Variants in TIAM1 observed in about 807,000 individuals in gnomAD.
TIAM1 encodes TIAM Rac1 associated GEF 1.
In TIAM1, 65 loss-of-function variants were observed where a neutral mutation model predicts 163.5. The ratio of observed to expected loss-of-function variants is 0.40; its 90% CI spans 0.33 to 0.49. TIAM1 has a LOEUF of 0.49. Among genes scored for constraint, TIAM1 ranks in the 20% least tolerant of loss-of-function variants. The probability of loss-of-function intolerance (pLI) is 0.77; values close to 1 mark genes in which losing one functional copy is unlikely to be tolerated. For missense variants in TIAM1, 1,789 were observed against 2,044.7 expected (o/e 0.87, Z 2.41); for synonymous variants, 833 against 810.1 (o/e 1.03, Z -0.48).
At chr21:31,316,073 T>C (rs892799407) in intron 2 of TIAM1, among the ~76,000 whole-genome samples, 2 of 152,216 alleles carry the variant, frequency 1.3e-5, no homozygotes, top group African/African-American at 4.8e-5. Context: ...TTCACTCATT[T>C]CTTCTACATA....
intron 2 of TIAM1, among the ~76,000 whole-genome samples, chr21:31,308,746 G>A (rs1175255069): frequency 6.6e-6 from 1 of 152,184 alleles, no homozygotes; most frequent in Admixed American, 6.5e-5. Context: ...AATGCCAGAT[G>A]AGCCAGCTGC....
chr21:31,287,534 C>G (rs559163875), intron 2 of TIAM1, among the ~76,000 whole-genome samples: 50 of 152,146 alleles, frequency 3.3e-4, no homozygotes, highest in Non-Finnish European at 5.3e-4. Flanking sequence ...CTCGGTTGAA[C>G]CTGGTCCTGA....
At chr21:31,326,196 C>G (rs887756376) in intron 2 of TIAM1, among the ~76,000 whole-genome samples, 1 of 152,154 alleles carries the variant, frequency 6.6e-6, no homozygotes, top group Non-Finnish European at 1.5e-5. Context: ...TGGTTTTGTT[C>G]TGTTCCATTT....
intron 2 of TIAM1, among the ~76,000 whole-genome samples, chr21:31,431,746 T>C (rs757018647): frequency 1.3e-5 from 2 of 152,206 alleles, no homozygotes; most frequent in Non-Finnish European, 2.9e-5. Context: ...CTGTACAGTA[T>C]GGTACTGTCC....
chr21:31,352,818 T>G (rs562482129), intron 2 of TIAM1, among the ~76,000 whole-genome samples: 1 of 151,696 alleles, frequency 6.6e-6, no homozygotes, highest in Non-Finnish European at 1.5e-5. Flanking sequence ...AAGGTTGCAG[T>G]GAGCTGTAAT....
chr21:31,550,145 T>A lies in TIAM1; in HGVS notation c.-422+8782A>T, dbSNP rs538382188. Among the ~76,000 whole-genome samples, 71 of 148,104 alleles carry A rather than the reference T, an allele frequency of 4.8e-4. 1 individual carries two copies. The East Asian group carries it at 6.9e-3, about 14-fold the overall frequency. On this transcript the variant is annotated intron_variant, in intron 1 of 28. Coordinates refer to the TIAM1 transcript ENST00000286827. ...TCTCAAAAGAAAAAAAAAAAGAATT[T>A]AAAAAAAAAAGATATTCAAACAAAT...
At position 31,210,675 on chromosome 21, in the gene TIAM1, GAAA is replaced by G. The variant is rs1569033089; in HGVS notation, c.2218-463_2218-461del. 3.4e-4 allele frequency among the ~76,000 whole-genome samples: 24 copies of G among 71,358 alleles called. 1 individual carries two copies. The highest frequency in any genetic ancestry group is 1.5e-3 in the African/African-American group (20 of 12,912). The allele number at this position is 71,358 out of a possible 152,430, so 46.8% of individuals were successfully genotyped here. A position where few individuals can be genotyped will look rare whatever the true frequency, so the allele number is the denominator to read the frequency against. ...AAAGAAAGAAAGAAAGAAAAAGAAA[GAAA>G]GAAAGAAAAAGAAAGAAAGAAAGAA... On this transcript the variant is annotated intron_variant, in intron 10 of 27. Transcript: ENST00000541036.
Position 31,217,623 on chromosome 21 carries a change from C to T in TIAM1, c.2072G>A (p.Ser691Asn), listed in dbSNP as rs758384174. The change falls in exon 9 of 28, where the codon AGC becomes AAC. Residue 691 changes from serine to asparagine, a missense_variant. Physicochemically the swap from Ser to Asn is conservative, Grantham distance 46 (BLOSUM62 1). This residue lies in a region of TIAM1 where 456 missense variants were observed against 586.6 expected (regional missense o/e 0.78). Transcript: ENST00000541036. ...CAGACCCCACAGAGAAGAAAACCTGCTCCTTCGCTTGCTCGCGGATCTGGA... is the reference window on the plus strand; with the variant it reads ...CAGACCCCACAGAGAAGAAAACCTGTTCCTTCGCTTGCTCGCGGATCTGGA... Reference protein sequence around the residue: ...AMSRSASKRRSRFSSLWGLDT... With the variant: ...AMSRSASKRRNRFSSLWGLDT... 6.2e-6 allele frequency: 10 copies of T among 1,614,012 alleles called. No individual in the cohort carries two copies. In the South Asian group the frequency reaches 7.7e-5, roughly 12 times the overall value.
intron 1 of TIAM1, among the ~76,000 whole-genome samples, chr21:31,498,503 C>T (rs2046740334): frequency 6.6e-6 from 1 of 152,232 alleles, no homozygotes; most frequent in Admixed American, 6.5e-5. Context: ...ATCCCGGCTC[C>T]ATGACCCAGT....
chr21:31,239,915 T>C (rs2071079479), intron 6 of TIAM1, among the ~76,000 whole-genome samples: 1 of 152,218 alleles, frequency 6.6e-6, no homozygotes, highest in Non-Finnish European at 1.5e-5. Flanking sequence ...TTTTGAAAAC[T>C]GTTTGGCATA....
rs1555983155 is a variant in TIAM1 at position 31,445,021 on chromosome 21, C to CAGGAG, written c.-369+18961_-369+18962insCTCCT. On this transcript the variant is annotated intron_variant, in intron 2 of 28. Coordinates refer to the TIAM1 transcript ENST00000286827. ...CTAAAAAAAAAAGGAAAACAAAGAA[C>CAGGAG]AGAAGAGAAGAGAAAAGAAAGAACA... 4.5e-3 allele frequency among the ~76,000 whole-genome samples: 689 copies of CAGGAG among 151,754 alleles called. 1 individual carries two copies. The highest frequency in any genetic ancestry group is 0.024 in the Middle Eastern group (7 of 292).
intron 13 of TIAM1, among the ~76,000 whole-genome samples, chr21:31,190,599 T>C (rs2085512282): frequency 6.6e-6 from 1 of 152,142 alleles, no homozygotes; most frequent in Non-Finnish European, 1.5e-5. Context: ...ATAATAGTAC[T>C]AGAAGTACCC....
chr21:31,219,579 C>G (rs1372475366), intron 8 of TIAM1, among the ~76,000 whole-genome samples: 2 of 152,188 alleles, frequency 1.3e-5, no homozygotes, highest in South Asian at 2.1e-4. Flanking sequence ...AGAAGCCCCA[C>G]GGGTGGCAGG....
chr21:31,236,001 G>A (rs1601653484), intron 6 of TIAM1, among the ~76,000 whole-genome samples: 2 of 152,342 alleles, frequency 1.3e-5, no homozygotes, highest in African/African-American at 4.8e-5. Context: ...ATAGTTTGGA[G>A]GGCTTTTCTT....
At position 31,482,059 on chromosome 21, in the gene TIAM1, AAGTGTGTG is replaced by A. The variant is rs1299324209; in HGVS notation, c.-421-18032_-421-18025del. Among the ~76,000 whole-genome samples the A allele has an allele frequency of 2.0e-4, 12 of 60,706 alleles. No homozygotes were observed. In the East Asian group the frequency reaches 5.5e-3, roughly 28 times the overall value. The allele number at this position is 60,706 out of a possible 152,430, so 39.8% of individuals were successfully genotyped here. A position where few individuals can be genotyped will look rare whatever the true frequency, so the allele number is the denominator to read the frequency against. The stretch of plus-strand genomic sequence containing the variant: ...GAACTGTGTGCCAGGAACTGGGACA[AAGTGTGTG>A]TGTGTGTGTGTGTGTGTGTGTGTGT... On this transcript the variant is annotated intron_variant, in intron 1 of 28. Coordinates refer to the TIAM1 transcript ENST00000286827.
At chr21:31,217,869 T>C (rs929147685) in intron 8 of TIAM1, among the ~76,000 whole-genome samples, 170 bp from the exon 9 acceptor site, 3 of 152,232 alleles carry the variant, frequency 2.0e-5, no homozygotes, top group Non-Finnish European at 4.4e-5. Flanking sequence ...TATTGGGACT[T>C]TGAGAGCCCT....
chr21:31,522,629 G>A (rs1182233508), intron 1 of TIAM1, among the ~76,000 whole-genome samples: 7 of 152,240 alleles, frequency 4.6e-5, no homozygotes, highest in African/African-American at 1.7e-4. Context: ...TGGGCCTCAG[G>A]CTTCCCATCA....
chr21:31,187,161 C>T, intron 13 of TIAM1, 74 bp from the exon 14 acceptor site: 8 of 1,312,942 alleles, frequency 6.1e-6, no homozygotes, highest in African/African-American at 2.9e-5. Flanking sequence ...GAAGTGCCTG[C>T]TGTGAACTAG....
intron 2 of TIAM1, among the ~76,000 whole-genome samples, chr21:31,408,616 C>T (rs1027501198): frequency 6.6e-6 from 1 of 152,206 alleles, no homozygotes; most frequent in Non-Finnish European, 1.5e-5. Flanking sequence ...CTTAACCCTT[C>T]CCACAACTTA....
Sources: allele counts gnomAD v4.1 joint callset (sites outside exome capture counted in the v4.1 genomes callset), GRCh38; gene constraint gnomAD v4.1.1; regional missense constraint gnomAD v4.1.1; transcripts MANE v1.5; gene names NCBI Gene and HGNC (gene_info 2026-07-23, HGNC 2026-07-21).